The following CARHSP1 variants were observed in gnomAD, a reference collection of about 807,000 sequenced individuals.
CARHSP1 encodes the protein calcium-regulated heat-stable protein 1.
A neutral mutation model predicts 12.5 loss-of-function variants in CARHSP1; 14 were observed. The ratio of observed to expected loss-of-function variants is 1.12; its 90% confidence interval spans 0.74 to 1.75. CARHSP1 has a LOEUF of 1.75. Among genes scored for constraint, CARHSP1 ranks in the 40% most tolerant of loss-of-function variants. CARHSP1 has a pLI of 0.00. For missense variants in CARHSP1, 343 were observed against 201.6 expected (o/e 1.70, Z -4.25); for synonymous variants, 161 against 82.0 (o/e 1.96, Z -5.20).
rs528871800 is a variant in CARHSP1 at position 8,858,447 on chromosome 16, C to G, written c.184G>C (p.Val62Leu). The change falls in exon 3 of 4, where the codon GTC (valine) becomes CTC (leucine). Residue 62 changes from valine to leucine, a missense_variant. Physicochemically the swap from Val to Leu is conservative, Grantham distance 32. Transcript: ENST00000311052. ...AAGCATTTGCAGACTCCTTTGTAGA[C>G]GGGGCCCTGTGAAGCCCGCACCGTC... ...SATVRASQGPVYKGVCKCFCR... is the reference protein window; with the variant it reads ...SATVRASQGPLYKGVCKCFCR... The G allele has an allele frequency of 1.2e-6, 2 of 1,613,886 alleles. No homozygotes were observed. The highest frequency in any genetic ancestry group is 2.2e-5 in the East Asian group (1 of 44,880).
intron 1 of CARHSP1, chr16:8,868,310 A>T (rs1032383512): frequency 6.6e-6 from 1 of 152,082 alleles, no homozygotes; most frequent in South Asian, 2.1e-4. Context: ...AGAACATTTC[A>T]CTTCCGGCCT....
chr16:8,864,173 GC>G (rs1220974512), intron 1 of CARHSP1, among the ~76,000 whole-genome samples: 2 of 152,226 alleles, frequency 1.3e-5, no homozygotes, highest in Non-Finnish European at 2.9e-5. Context: ...GTATGTGTGT[GC>G]TGTGTATATA....
chr16:8,860,101 T>G (rs1452450031), intron 1 of CARHSP1: 1 of 983,062 alleles, frequency 1.0e-6, no homozygotes, highest in African/African-American at 1.8e-5. Context: ...GGGCAAAAAC[T>G]GACCCTCACG....
chr16:8,867,267 G>A (rs1343796271), intron 1 of CARHSP1: 4 of 152,202 alleles, frequency 2.6e-5, no homozygotes, highest in African/African-American at 7.2e-5. Context: ...ATTGAGCCCT[G>A]ACTGGTCCCC....
chr16:8,856,061 A>G (rs1341886977), intron 3 of CARHSP1, among the ~76,000 whole-genome samples: 1 of 152,170 alleles, frequency 6.6e-6, no homozygotes, highest in African/African-American at 2.4e-5. Flanking sequence ...CACCTGCCTC[A>G]GCCTCCGAAA....
At position 8,858,795 on chromosome 16, in the gene CARHSP1, A is replaced by G. The variant is rs113849982; in HGVS notation, c.159-323T>C. 1.9e-4 allele frequency: 79 copies of G among 422,816 alleles called. 1 individual carries two copies. The highest frequency in any genetic ancestry group is 1.4e-3 in the African/African-American group (71 of 50,804). 26.2% of individuals were successfully genotyped at this position (422,816 alleles called of 1,614,324 possible). A position where few individuals can be genotyped will look rare whatever the true frequency, so the allele number is the denominator to read the frequency against. On this transcript the variant is annotated intron_variant, in intron 2 of 3. Transcript: ENST00000311052. ...ATAACACAAGCATCCTCCACTCGCAAGGCCTGAGACCTGCATCTGCCAGGC... is the reference window on the plus strand; with the variant it reads ...ATAACACAAGCATCCTCCACTCGCAGGGCCTGAGACCTGCATCTGCCAGGC...
intron 1 of CARHSP1, among the ~76,000 whole-genome samples, chr16:8,860,732 G>C (rs1473663281): frequency 6.6e-6 from 1 of 152,032 alleles, no homozygotes; most frequent in Non-Finnish European, 1.5e-5. Flanking sequence ...GTTTGACTCA[G>C]GTCCCATGGG....
At chr16:8,863,037 G>C (rs1169872632) in intron 1 of CARHSP1, among the ~76,000 whole-genome samples, 1 of 150,782 alleles carries the variant, frequency 6.6e-6, no homozygotes, top group Non-Finnish European at 1.5e-5. Context: ...GGGCCCCTCT[G>C]TGTCCCAAGG....
chr16:8,859,286 G>C lies in CARHSP1; in HGVS notation c.43C>G (p.Gln15Glu), dbSNP rs754418938. The C allele has an allele frequency of 2.3e-5, 37 of 1,603,814 alleles. No homozygotes were observed. Among genetic ancestry groups the C allele is most frequent in the South Asian group, 1.2e-4 (11 of 89,676 alleles). ...GTGTCCAGCAGCCCGACTGAAGCTT[G>C]ATGGGTGGGGGGCTGTGGTGGTGGG... ...PPPPPQPPTH[Q>E]ASVGLLDTPR... The change falls in exon 2 of 4, where the codon CAA becomes GAA. Residue 15 changes from glutamine (Q) to glutamate (E), a missense_variant. Coordinates refer to ENST00000311052, the MANE Select transcript of CARHSP1 (RefSeq NM_014316.4).
chr16:8,858,174 C>T, intron 3 of CARHSP1, 176 bp downstream of exon 3: 1 of 746,264 alleles, frequency 1.3e-6, no homozygotes, highest in Non-Finnish European at 2.1e-6. Context: ...TCTCACAACC[C>T]CAACCCAACA....
intron 3 of CARHSP1, chr16:8,857,928 AT>A: frequency 2.5e-5 from 4 of 162,798 alleles, no homozygotes; most frequent in Admixed American, 1.2e-4. Flanking sequence ...TGCCCGGCTA[AT>A]TTTTTTTGTG....
At chr16:8,865,470 G>T (rs990812282) in intron 1 of CARHSP1, among the ~76,000 whole-genome samples, 3 of 152,206 alleles carry the variant, frequency 2.0e-5, no homozygotes, top group Non-Finnish European at 2.9e-5. Flanking sequence ...AGAAGGCAGG[G>T]GGATAAGAGT....
chr16:8,861,408 C>G (rs901894775), intron 1 of CARHSP1, among the ~76,000 whole-genome samples: 1 of 151,740 alleles, frequency 6.6e-6, no homozygotes, highest in African/African-American at 2.4e-5. Flanking sequence ...AACCTTCAAC[C>G]TCAGTTTGCC....
At chr16:8,864,320 G>A (rs544578253) in intron 1 of CARHSP1, among the ~76,000 whole-genome samples, 2 of 142,168 alleles carry the variant, frequency 1.4e-5, no homozygotes, top group East Asian at 4.0e-4. Flanking sequence ...TCACCGCACA[G>A]CACGCTGGGC....
chr16:8,862,219 G>C (rs11640388), intron 1 of CARHSP1, among the ~76,000 whole-genome samples: 65,882 of 151,320 alleles, frequency 0.44, 15,389 homozygotes, highest in Non-Finnish European at 0.52. Context: ...GTGTGGTCTT[G>C]TACAAGTTAC....
chr16:8,857,117 T>C (rs942158894), intron 3 of CARHSP1, among the ~76,000 whole-genome samples: 5 of 152,042 alleles, frequency 3.3e-5, no homozygotes, highest in Admixed American at 1.3e-4. Flanking sequence ...CCAGATATAA[T>C]GGGCACTCGG....
At chr16:8,863,916 C>T (rs1314662019) in intron 1 of CARHSP1, among the ~76,000 whole-genome samples, 3 of 152,190 alleles carry the variant, frequency 2.0e-5, no homozygotes, top group Admixed American at 1.3e-4. Context: ...CCAGCCACTG[C>T]TCTCCCAGCA....
intron 1 of CARHSP1, chr16:8,861,607 G>T (rs1451142746): frequency 7.8e-7 from 1 of 1,288,860 alleles, no homozygotes; most frequent in South Asian, 1.2e-5. Context: ...TTGGGCCTCA[G>T]TTCTGTCGGG....
intron 1 of CARHSP1, among the ~76,000 whole-genome samples, chr16:8,867,001 T>A (rs952533262): frequency 1.3e-5 from 2 of 152,046 alleles, no homozygotes; most frequent in Non-Finnish European, 2.9e-5. Context: ...GCCTCCAACA[T>A]TGCCATTGCC....
Sources: gnomAD v4.1 joint callset for allele counts (sites outside exome capture counted in the v4.1 genomes callset) on GRCh38, gnomAD v4.1.1 for gene constraint, MANE v1.5 for transcripts, NCBI Gene and HGNC (gene_info 2026-07-23, HGNC 2026-07-21) for gene names.